The following TRPM2 variants were observed in gnomAD, a reference collection of about 807,000 sequenced individuals.
TRPM2 encodes transient receptor potential cation channel subfamily M member 2, also known as estrogen-responsive element-associated gene 1 protein.
Under a neutral mutation model 174.0 loss-of-function variants are expected in TRPM2, and 161 were observed. That is an observed-to-expected ratio of 0.93 (90% CI 0.81 to 1.05). The LOEUF (loss-of-function observed/expected upper bound fraction) is 1.05. Ranked by LOEUF, TRPM2 falls within the 50% of genes least tolerant of loss-of-function variation. The pLI is 0.00. For missense variants in TRPM2, 2,057 were observed against 2,038.0 expected, an observed-to-expected ratio of 1.01 and a Z score of -0.18; for synonymous variants, 954 against 861.3, an observed-to-expected ratio of 1.11 and a Z score of -1.88.
intron 19 of TRPM2, among the ~76,000 whole-genome samples, chr21:44,411,966 T>C (rs931484754): frequency 1.3e-5 from 2 of 152,222 alleles, no homozygotes; most frequent in African/African-American, 4.8e-5. Context: ...TGGTGAATAA[T>C]CTCTTTTACA....
At position 44,424,869 on chromosome 21, in the gene TRPM2, A is replaced by C; in HGVS notation, c.3567A>C (p.Gln1189His). Residue 1189 changes from glutamine (Q) to histidine (H), a missense_variant, in exon 24 of 32, where the codon CAA (glutamine) becomes CAC (histidine). Physicochemically the swap from Gln to His is conservative, Grantham distance 24 (BLOSUM62 0). Coordinates refer to ENST00000397928, the MANE Select transcript of TRPM2 (RefSeq NM_003307.4). The part of the protein sequence containing the change: ...SLEEQVAQTA[Q>H]ALHWIVRTLR... ...CCTTCCAGGTGGCCCAGACAGCCCA[A>C]GCCCTGCACTGGATCGTGAGGACGC... 6.2e-7 allele frequency: 1 copy of C among 1,605,262 alleles called. No homozygotes were observed. The highest frequency in any genetic ancestry group is 8.5e-7 in the Non-Finnish European group (1 of 1,176,770).
At chr21:44,356,531 A>ATTT (rs143434691) in intron 2 of TRPM2, among the ~76,000 whole-genome samples, 9 of 137,646 alleles carry the variant, frequency 6.5e-5, no homozygotes, top group African/African-American at 1.9e-4. Flanking sequence ...CTGCTTGGCT[A>ATTT]TTTTTTTTTT....
At chr21:44,434,005 C>T (rs2051130278) in intron 27 of TRPM2, among the ~76,000 whole-genome samples, 1 of 152,140 alleles carries the variant, frequency 6.6e-6, no homozygotes, top group South Asian at 2.1e-4. Flanking sequence ...GCAGGCCTGG[C>T]TGGTGGCCGC....
In TRPM2 at chr21:44,400,348, C is replaced by T. The variant is rs1474043992; in HGVS notation, c.2298C>T (p.Leu766=). The change falls in exon 15 of 32, where the codon CTC becomes CTT. Residue 766 remains leucine, a synonymous_variant. Transcript: ENST00000397928. ...TGTGCATGCTGGCCTTCCCGCTGCT[C>T]CTCACCGGCCTCATCTCCTTCAGGT... ...VTLCMLAFPL[L]LTGLISFREK... is the part of the protein sequence containing the mutation. 9 of 1,612,080 alleles carry T rather than the reference C, an allele frequency of 5.6e-6. No individual in the cohort carries two copies. The highest frequency in any genetic ancestry group is 2.2e-5 in the East Asian group (1 of 44,890).
intron 9 of TRPM2, among the ~76,000 whole-genome samples, chr21:44,386,414 CA>C (rs1026470890): frequency 4.7e-5 from 7 of 148,808 alleles, no homozygotes; most frequent in African/African-American, 7.4e-5. Flanking sequence ...CCCCCACCAC[CA>C]AAAAAAAATC....
chr21:44,391,921 A>G lies in TRPM2; in HGVS notation c.1794+296A>G, dbSNP rs1453645619. Among the ~76,000 whole-genome samples the G allele has an allele frequency of 6.6e-6, 1 of 152,144 alleles. No individual in the cohort carries two copies. Among genetic ancestry groups the G allele is most frequent in the African/African-American group, 2.4e-5 (1 of 41,436 alleles). ...CCCTCTTGCTGTGTCTTCACGTGAC[A>G]GAGAGAGAAGTCTCTGGTGCCACTT... On this transcript the variant is annotated intron_variant, in intron 11 of 31. Transcript: ENST00000397928. The surrounding 1 kb of genome is among the most constrained non-coding windows in gnomAD (Gnocchi z 5.0).
intron 13 of TRPM2, 35 bp downstream of exon 13, chr21:44,397,911 C>A: frequency 1.3e-6 from 2 of 1,553,936 alleles, no homozygotes; most frequent in Non-Finnish European, 8.7e-7. Context: ...CAGGCCATGG[C>A]TCAGCCGTGC....
chr21:44,421,232 C>T lies in TRPM2; in HGVS notation c.3462-2413C>T, dbSNP rs574964981. ...ACTTGGGAGGCTGAGGCAGGAGAATCGCTTGAACCCAGGAGGCGGAGGTTG... is the reference window on the plus strand; with the variant it reads ...ACTTGGGAGGCTGAGGCAGGAGAATTGCTTGAACCCAGGAGGCGGAGGTTG... On this transcript the variant is annotated intron_variant, in intron 22 of 31. Transcript: ENST00000397928. 5.9e-5 allele frequency among the ~76,000 whole-genome samples: 9 copies of T among 151,810 alleles called. No individual in the cohort carries two copies. The East Asian group carries it at 7.7e-4, about 13-fold the overall frequency.
intron 5 of TRPM2, among the ~76,000 whole-genome samples, chr21:44,374,910 C>T (rs1293449032): frequency 2.0e-5 from 3 of 152,140 alleles, no homozygotes; most frequent in African/African-American, 7.2e-5. Flanking sequence ...TCACTTCCTT[C>T]TGAGCCCTTA....
At chr21:44,365,835 C>A (rs929223944) in intron 3 of TRPM2, among the ~76,000 whole-genome samples, 3 of 152,228 alleles carry the variant, frequency 2.0e-5, no homozygotes, top group Non-Finnish European at 4.4e-5. Flanking sequence ...CAGGCCACAG[C>A]CCTGCTCCTC....
At chr21:44,360,035 C>G (rs1243142176) in intron 2 of TRPM2, among the ~76,000 whole-genome samples, 1 of 152,114 alleles carries the variant, frequency 6.6e-6, no homozygotes, top group Non-Finnish European at 1.5e-5. Flanking sequence ...CATGAGGCAC[C>G]ATGCCCAGCC....
chr21:44,393,913 C>T (rs898406849), intron 11 of TRPM2, among the ~76,000 whole-genome samples: 2 of 152,096 alleles, frequency 1.3e-5, no homozygotes, highest in East Asian at 3.8e-4. Flanking sequence ...GCTCTTGTTG[C>T]CCAGGCTGGA....
In TRPM2 at chr21:44,369,192, C is replaced by T. The variant is rs2048448125; in HGVS notation, c.620C>T (p.Thr207Ile). 6.2e-7 allele frequency: 1 copy of T among 1,610,374 alleles called. No individual in the cohort carries two copies. The highest frequency in any genetic ancestry group is 1.3e-5 in the African/African-American group (1 of 74,996). Residue 207 changes from threonine (T) to isoleucine (I), a missense_variant, in exon 5 of 32, where the codon ACA (threonine) becomes ATA (isoleucine). Physicochemically the swap from Thr to Ile is moderately conservative, Grantham distance 89. Transcript: ENST00000397928. ...VAQTTGAWII[T>I]GGSHTGVMKQ... ...CCTTCCCCAGGGGCCTGGATCATCA[C>T]AGGGGGGTCCCACACCGGCGTCATG...
chr21:44,357,781 C>A (rs2048100938), intron 2 of TRPM2, among the ~76,000 whole-genome samples: 1 of 152,202 alleles, frequency 6.6e-6, no homozygotes, highest in Non-Finnish European at 1.5e-5. Context: ...TCCAAAAGCC[C>A]CGTTCCCAGA....
At chr21:44,410,071 C>A (rs8128763) in intron 19 of TRPM2, among the ~76,000 whole-genome samples, 2 of 116,574 alleles carry the variant, frequency 1.7e-5, no homozygotes, top group East Asian at 2.7e-4. Context: ...TCTTGGTGAG[C>A]GTAGCCTTGT....
rs200310488 is a variant in TRPM2 at position 44,441,828 on chromosome 21, A to G, written c.*11A>G. ...GGGGCTCACTACTGACTGTGCCCTC[A>G]GGCTGGGCGGCTCCAGTCCATAGAC... On this transcript the variant is annotated 3_prime_UTR_variant, in exon 32 of 32. Coordinates refer to ENST00000397928, the MANE Select transcript of TRPM2 (RefSeq NM_003307.4). 1.0e-3 allele frequency: 1,626 copies of G among 1,595,516 alleles called. 1 individual carries two copies. The highest frequency in any genetic ancestry group is 1.3e-3 in the Non-Finnish European group (1,528 of 1,170,778).
chr21:44,416,258 G>A (rs1459670570), intron 20 of TRPM2: 1 of 152,234 alleles, frequency 6.6e-6, no homozygotes, highest in Non-Finnish European at 1.5e-5. Flanking sequence ...TTCTCTTCTT[G>A]TTTCATTGGC....
chr21:44,376,143 C>A lies in TRPM2; in HGVS notation c.952+130C>A. 9.0e-7 allele frequency: 1 copy of A among 1,113,616 alleles called. No individual in the cohort carries two copies. Among genetic ancestry groups the A allele is most frequent in the Non-Finnish European group, 1.3e-6 (1 of 785,346 alleles). The allele number at this position is 1,113,616 out of a possible 1,614,324, so 69.0% of individuals were successfully genotyped here. A position where few individuals can be genotyped will look rare whatever the true frequency, so the allele number is the denominator to read the frequency against. ...TTGGCAGAGAGTGCAGTGGGCTGGT[C>A]AGAGTGTCAGGTACAGCTGGTCACA... is the stretch of plus-strand genomic sequence containing the variant. On this transcript the variant is annotated intron_variant, in intron 6 of 31. Transcript: ENST00000397928. This position sits in a 1 kb window ranked among gnomAD's most constrained non-coding sequence, Gnocchi z 4.2.
In TRPM2 at chr21:44,395,396, C is replaced by T. The variant is rs1478869092; in HGVS notation, c.1795-18C>T. The T allele has an allele frequency of 6.2e-7, 1 of 1,611,924 alleles. No individual in the cohort carries two copies. The highest frequency in any genetic ancestry group is 8.5e-7 in the Non-Finnish European group (1 of 1,179,540). ...CCAGGCGGCCCGGCTGGGGCTCTGA[C>T]AGTTCACTGCTCACCAGGTGCAGGG... On this transcript the variant is annotated intron_variant, in intron 11 of 31. Coordinates refer to ENST00000397928, the MANE Select transcript of TRPM2 (RefSeq NM_003307.4).
Sources: allele counts gnomAD v4.1 joint callset (sites outside exome capture counted in the v4.1 genomes callset), GRCh38; gene constraint gnomAD v4.1.1; non-coding constraint Gnocchi (gnomAD v3.1); transcripts MANE v1.5; gene names NCBI Gene and HGNC (gene_info 2026-07-23, HGNC 2026-07-21).